NAV1: variants seen among roughly 807,000 people sequenced by gnomAD.
NAV1 encodes the protein neuron navigator 1, also known as pore membrane and/or filament interacting like protein 3.
Under a neutral mutation model 175.2 loss-of-function variants are expected in NAV1, and 18 were observed. That is an observed-to-expected ratio of 0.10 (90% CI 0.07 to 0.15). The LOEUF (loss-of-function observed/expected upper bound fraction) is 0.15, where lower values mean the gene tolerates loss of function less well. Ranked by LOEUF, NAV1 falls within the 10% of genes least tolerant of loss-of-function variation. The pLI, the probability that NAV1 is intolerant of heterozygous loss-of-function variation, is 1.00. For missense variants in NAV1, 1,731 were observed against 2,436.6 expected, an observed-to-expected ratio of 0.71 and a Z score of 6.10; for synonymous variants, 897 against 978.7, an observed-to-expected ratio of 0.92 and a Z score of 1.56.
chr1:201,676,055 C>G (rs1364502546), intron 1 of NAV1, among the ~76,000 whole-genome samples: 3 of 152,214 alleles, frequency 2.0e-5, no homozygotes, highest in Non-Finnish European at 4.4e-5. Flanking sequence ...CCTCTAAACT[C>G]ACCTGAAGCT....
intron 28 of NAV1, among the ~76,000 whole-genome samples, chr1:201,814,461 C>T (rs2102825847): frequency 6.6e-6 from 1 of 152,068 alleles, no homozygotes. Context: ...GTTTTCTTAC[C>T]TGTAAATTAG....
At chr1:201,681,397 G>T (rs1284475404) in intron 1 of NAV1, among the ~76,000 whole-genome samples, 2 of 152,198 alleles carry the variant, frequency 1.3e-5, no homozygotes, top group African/African-American at 2.4e-5. Context: ...CTGAGACTTT[G>T]TATACTAATG....
In NAV1 at chr1:201,783,000, A is replaced by G; in HGVS notation, c.2357+131A>G. 1 of 728,122 alleles carries G rather than the reference A, an allele frequency of 1.4e-6. No homozygotes were observed. The highest frequency in any genetic ancestry group is 2.1e-5 in the South Asian group (1 of 47,210). 45.1% of individuals were successfully genotyped at this position (728,122 alleles called of 1,614,324 possible). On this transcript the variant is annotated intron_variant, in intron 6 of 29. Coordinates refer to ENST00000367296, the Ensembl canonical transcript of NAV1. This position sits in a 1 kb window ranked among gnomAD's most constrained non-coding sequence, Gnocchi z 5.4. The stretch of plus-strand genomic sequence containing the variant: ...CTAGGCCTTTGCATGGCTCTTTCCC[A>G]CCTCTCCCCCATATGCCAAGGTTCT...
intron 1 of NAV1, among the ~76,000 whole-genome samples, chr1:201,655,458 G>C (rs1246929041): frequency 6.6e-6 from 1 of 152,250 alleles, no homozygotes; most frequent in Non-Finnish European, 1.5e-5. Context: ...CGGGTGGGGA[G>C]GTAGGGGGGG....
intron 2 of NAV1, among the ~76,000 whole-genome samples, chr1:201,594,824 G>A (rs954903580): frequency 6.6e-6 from 1 of 152,206 alleles, no homozygotes; most frequent in Non-Finnish European, 1.5e-5. Flanking sequence ...TCCAGCACGG[G>A]AACCTGCTGA....
chr1:201,605,603 T>A (rs1037487259), intron 2 of NAV1, among the ~76,000 whole-genome samples: 3 of 152,196 alleles, frequency 2.0e-5, no homozygotes, highest in African/African-American at 4.8e-5. Flanking sequence ...ATTTTTTGTT[T>A]AGACAGATGG....
intron 3 of NAV1, among the ~76,000 whole-genome samples, chr1:201,738,291 A>G (rs1414336401): frequency 6.6e-6 from 1 of 152,132 alleles, no homozygotes; most frequent in Non-Finnish European, 1.5e-5. Context: ...CTTTGATCTC[A>G]AAGCATATTT....
At chr1:201,671,405 A>G (rs916492379) in intron 1 of NAV1, among the ~76,000 whole-genome samples, 3 of 152,032 alleles carry the variant, frequency 2.0e-5, no homozygotes, top group Non-Finnish European at 4.4e-5. Flanking sequence ...CCACCTACAC[A>G]TACCTCTGAG....
intron 3 of NAV1, among the ~76,000 whole-genome samples, chr1:201,730,663 C>T (rs890785908): frequency 1.3e-5 from 2 of 152,254 alleles, no homozygotes; most frequent in Non-Finnish European, 2.9e-5. Flanking sequence ...CATGACCTCT[C>T]CATCTTCCAG....
At chr1:201,744,768 G>A (rs1673665286) in intron 3 of NAV1, among the ~76,000 whole-genome samples, 1 of 152,138 alleles carries the variant, frequency 6.6e-6, no homozygotes, top group Admixed American at 6.5e-5. Context: ...AGAGGGGGAA[G>A]TTTTTCCCAA....
intron 7 of NAV1, 58 bp downstream of exon 11, chr1:201,783,910 C>T (rs763837075): frequency 2.4e-5 from 35 of 1,476,618 alleles, no homozygotes; most frequent in Non-Finnish European, 3.2e-5. Flanking sequence ...CTCATTTTGC[C>T]ATTGGCAATA....
intron 3 of NAV1, among the ~76,000 whole-genome samples, chr1:201,768,467 G>T (rs556721215): frequency 2.0e-5 from 3 of 151,942 alleles, no homozygotes; most frequent in African/African-American, 7.2e-5. Context: ...GTGAAACCCT[G>T]TGTCTACAAA....
At chr1:201,547,335 G>A (rs968562827) in intron 1 of NAV1, among the ~76,000 whole-genome samples, 2 of 152,126 alleles carry the variant, frequency 1.3e-5, no homozygotes, top group East Asian at 1.9e-4. Context: ...AATCATACCC[G>A]TTAGTACTGG....
intron 15 of NAV1, among the ~76,000 whole-genome samples, chr1:201,800,817 CTTTTTT>C (rs61404613): frequency 1.1e-5 from 1 of 90,788 alleles, no homozygotes; most frequent in African/African-American, 4.7e-5. Flanking sequence ...CTTGGTGTAT[CTTTTTT>C]TTTTTTTTTT....
intron 16 of NAV1, 31 bp from the exon 21 acceptor site, chr1:201,804,458 A>G: frequency 6.5e-7 from 1 of 1,541,130 alleles, no homozygotes; most frequent in South Asian, 1.2e-5. Flanking sequence ...TTCCTTCAAA[A>G]TGCTGACTCC....
intron 15 of NAV1, among the ~76,000 whole-genome samples, chr1:201,803,147 C>T (rs1419311171): frequency 2.0e-5 from 3 of 152,166 alleles, no homozygotes. Context: ...AAAACTGAAG[C>T]TCTTTCAGGT....
intron 1 of NAV1, among the ~76,000 whole-genome samples, chr1:201,674,391 T>G (rs490746): frequency 0.49 from 66,883 of 136,194 alleles, 15,028 homozygotes; most frequent in African/African-American, 0.57. Flanking sequence ...GAGTGTGTGT[T>G]GGGGGGGGTT....
chr1:201,549,852 T>C (rs1041806206), intron 1 of NAV1, among the ~76,000 whole-genome samples: 3 of 150,554 alleles, frequency 2.0e-5, no homozygotes, highest in East Asian at 4.0e-4. Context: ...CTACTAAAAA[T>C]ACAAAAAAAT....
At chr1:201,735,010 G>C (rs1673051197) in intron 3 of NAV1, among the ~76,000 whole-genome samples, 1 of 152,206 alleles carries the variant, frequency 6.6e-6, no homozygotes, top group South Asian at 2.1e-4. Flanking sequence ...TTGTTGAACA[G>C]TAACACAGCT....
Sources: allele counts gnomAD v4.1 joint callset (sites outside exome capture counted in the v4.1 genomes callset), GRCh38; gene constraint gnomAD v4.1.1; non-coding constraint Gnocchi (gnomAD v3.1); transcripts MANE v1.5; gene names NCBI Gene and HGNC (gene_info 2026-07-23, HGNC 2026-07-21).